Variants in KCTD16 observed in about 807,000 individuals in gnomAD.
KCTD16 encodes BTB/POZ domain-containing protein KCTD16.
KCTD16 carries 13 observed loss-of-function variants against 33.2 expected under a neutral mutation model. The observed-to-expected ratio is 0.39, with a 90% confidence interval of 0.25 to 0.62. KCTD16 has a LOEUF of 0.62. KCTD16 is among the 20% of genes least tolerant of loss of function. KCTD16 has a pLI of 0.50. For missense variants in KCTD16, 441 were observed against 525.1 expected (o/e 0.84, Z 1.57); for synonymous variants, 197 against 195.3 (o/e 1.01, Z -0.07).
intron 2 of KCTD16, among the ~76,000 whole-genome samples, chr5:144,195,059 G>A (rs148883526): frequency 8.5e-5 from 13 of 152,150 alleles, no homozygotes; most frequent in South Asian, 2.1e-4. Context: ...TGCTTACACC[G>A]TCAGCTTCCC....
At chr5:144,443,434 G>A (rs1753756112) in intron 3 of KCTD16, among the ~76,000 whole-genome samples, 1 of 151,644 alleles carries the variant, frequency 6.6e-6, no homozygotes, top group Admixed American at 6.6e-5. Context: ...GAGAGAGTCT[G>A]GTGGTATTCT....
chr5:144,426,854 G>A (rs1258587970), intron 3 of KCTD16, among the ~76,000 whole-genome samples: 1 of 151,982 alleles, frequency 6.6e-6, no homozygotes, highest in Admixed American at 6.6e-5. Context: ...TGATAAGGGT[G>A]GATTCCTCAT....
chr5:144,446,831 G>A (rs535385003), intron 3 of KCTD16, among the ~76,000 whole-genome samples: 26 of 152,258 alleles, frequency 1.7e-4, no homozygotes, highest in Non-Finnish European at 2.9e-5. Flanking sequence ...GGTCATTAGA[G>A]AAATGCAAAT....
Position 144,305,876 on chromosome 5 carries a change from G to A in KCTD16, c.832+98330G>A, listed in dbSNP as rs116362542. 9.8e-3 allele frequency among the ~76,000 whole-genome samples: 1,496 copies of A among 152,138 alleles called. 22 individuals are homozygous for A. The highest frequency in any genetic ancestry group is 0.034 in the African/African-American group (1,406 of 41,512). On this transcript the variant is annotated intron_variant, in intron 3 of 3. Coordinates refer to ENST00000512467, the MANE Select transcript of KCTD16 (RefSeq NM_020768.4). ...AGAAGGAGTCCACCTATAAGCCAAG[G>A]AGAGAGCCCTCAGAAGAAAGCAATC...
chr5:144,183,312 A>T (rs1752664202), intron 2 of KCTD16, among the ~76,000 whole-genome samples: 1 of 152,210 alleles, frequency 6.6e-6, no homozygotes, highest in African/African-American at 2.4e-5. Context: ...TAATTTACTC[A>T]TAGAATAAAA....
chr5:144,369,806 G>A (rs1009931958), intron 3 of KCTD16, among the ~76,000 whole-genome samples: 1 of 152,140 alleles, frequency 6.6e-6, no homozygotes, highest in African/African-American at 2.4e-5. Context: ...GGAAGTGTAT[G>A]TGAGATGATT....
intron 3 of KCTD16, among the ~76,000 whole-genome samples, chr5:144,420,118 A>G (rs1580950516): frequency 6.6e-6 from 1 of 152,042 alleles, no homozygotes; most frequent in African/African-American, 2.4e-5. Flanking sequence ...TCCCTTCCTC[A>G]TGGTGTTTAT....
intron 3 of KCTD16, among the ~76,000 whole-genome samples, chr5:144,230,096 C>T (rs1161254090): frequency 2.6e-5 from 4 of 152,134 alleles, no homozygotes; most frequent in Admixed American, 2.0e-4. Context: ...GAGCCAAGAT[C>T]ACGCCACTGT....
chr5:144,399,179 C>T (rs916177316), intron 3 of KCTD16, among the ~76,000 whole-genome samples: 3 of 152,084 alleles, frequency 2.0e-5, no homozygotes, highest in East Asian at 1.9e-4. Flanking sequence ...TAGGAACATA[C>T]GTGGCACAGA....
chr5:144,461,798 C>G (rs548704150), intron 3 of KCTD16, among the ~76,000 whole-genome samples: 78 of 152,346 alleles, frequency 5.1e-4, no homozygotes, highest in African/African-American at 1.8e-3. Flanking sequence ...AGTATGTTTT[C>G]TTTCACCCCC....
At chr5:144,339,555 G>A (rs1752575479) in intron 3 of KCTD16, among the ~76,000 whole-genome samples, 2 of 152,078 alleles carry the variant, frequency 1.3e-5, no homozygotes. Flanking sequence ...ACTTCTCTAT[G>A]TTATTCTTTC....
chr5:144,214,930 T>C (rs143982853), intron 3 of KCTD16, among the ~76,000 whole-genome samples: 1 of 152,230 alleles, frequency 6.6e-6, no homozygotes, highest in Non-Finnish European at 1.5e-5. Flanking sequence ...TAGTACTTTA[T>C]AAATATTTCT....
In KCTD16 at chr5:144,300,881, G is replaced by T. The variant is rs551827083; in HGVS notation, c.832+93335G>T. On this transcript the variant is annotated intron_variant, in intron 3 of 3. Coordinates refer to ENST00000512467, the MANE Select transcript of KCTD16 (RefSeq NM_020768.4). Reference sequence around the variant, plus strand: ...AAGGACAAACCATGCTCAAGAAATGGCAGGGAGTTTGATTGGACTACAGGA... The same window carrying T: ...AAGGACAAACCATGCTCAAGAAATGTCAGGGAGTTTGATTGGACTACAGGA... Among the ~76,000 whole-genome samples the T allele has an allele frequency of 2.0e-5, 3 of 152,262 alleles. No individual in the cohort carries two copies. The South Asian group carries it at 6.2e-4, about 32-fold the overall frequency.
Position 144,295,155 on chromosome 5 carries a change from A to C in KCTD16, c.832+87609A>C, listed in dbSNP as rs139564059. Among the ~76,000 whole-genome samples, 319 of 152,360 alleles carry C rather than the reference A, an allele frequency of 2.1e-3. 2 individuals are homozygous for C. The highest frequency in any genetic ancestry group is 0.014 in the Middle Eastern group (4 of 294). ...CTTTTAATCAAATAAAGTGCCAAGC[A>C]AAGTGTCAGATGCATAGAAAGAGCT... On this transcript the variant is annotated intron_variant, in intron 3 of 3. Coordinates refer to ENST00000512467, the MANE Select transcript of KCTD16 (RefSeq NM_020768.4).
chr5:144,462,278 A>G (rs770084174), intron 3 of KCTD16, among the ~76,000 whole-genome samples: 13 of 152,098 alleles, frequency 8.5e-5, no homozygotes, highest in Admixed American at 3.9e-4. Context: ...TTGTCTCTAC[A>G]TCAGTCTATG....
At chr5:144,223,051 C>A (rs1368194429) in intron 3 of KCTD16, among the ~76,000 whole-genome samples, 2 of 152,066 alleles carry the variant, frequency 1.3e-5, no homozygotes, top group African/African-American at 2.4e-5. Context: ...GACAAAAAAA[C>A]CAAACACCGC....
chr5:144,345,079 A>G (rs968844015), intron 3 of KCTD16, among the ~76,000 whole-genome samples: 1 of 151,844 alleles, frequency 6.6e-6, no homozygotes, highest in African/African-American at 2.4e-5. Flanking sequence ...ATTGGGAATC[A>G]TCATTCTCAG....
chr5:144,428,298 C>A (rs1428559069), intron 3 of KCTD16, among the ~76,000 whole-genome samples: 1 of 152,124 alleles, frequency 6.6e-6, no homozygotes, highest in African/African-American at 2.4e-5. Flanking sequence ...CTCTAGACAC[C>A]AATATCCTGT....
At chr5:144,346,540 A>T (rs964773313) in intron 3 of KCTD16, among the ~76,000 whole-genome samples, 2 of 152,144 alleles carry the variant, frequency 1.3e-5, no homozygotes, top group Non-Finnish European at 2.9e-5. Context: ...CTATCTTTTG[A>T]ATATAAGCCA....
Sources: allele counts gnomAD v4.1 joint callset (sites outside exome capture counted in the v4.1 genomes callset), GRCh38; gene constraint gnomAD v4.1.1; transcripts MANE v1.5; gene names NCBI Gene and HGNC (gene_info 2026-07-23, HGNC 2026-07-21).